POLR3B: variants seen among roughly 807,000 people sequenced by gnomAD.
POLR3B encodes the protein DNA-directed RNA polymerase III subunit RPC2.
In POLR3B, 96 loss-of-function variants were observed where a neutral mutation model predicts 147.4. That is an observed-to-expected ratio of 0.65 (90% CI 0.55 to 0.77). The LOEUF is 0.77. Among genes scored for constraint, POLR3B ranks in the 30% least tolerant of loss-of-function variants. The probability of loss-of-function intolerance (pLI) is 0.00; values close to 1 mark genes in which losing one functional copy is unlikely to be tolerated. For missense variants in POLR3B, 1,036 were observed against 1,413.5 expected (o/e 0.73, Z 4.28); for synonymous variants, 461 against 485.9 (o/e 0.95, Z 0.67).
intron 9 of POLR3B, among the ~76,000 whole-genome samples, chr12:106,383,529 G>A (rs765897120): frequency 2.6e-5 from 4 of 151,972 alleles, no homozygotes; most frequent in Non-Finnish European, 5.9e-5. Flanking sequence ...CACTATTGTT[G>A]TGTCTCAAGG....
At chr12:106,373,224 T>G (rs1371300714) in intron 6 of POLR3B, among the ~76,000 whole-genome samples, 2 of 152,234 alleles carry the variant, frequency 1.3e-5, no homozygotes, top group Non-Finnish European at 2.9e-5. Context: ...TTTTTCCATT[T>G]TCCTTATGGT....
chr12:106,437,109 G>A lies in POLR3B; in HGVS notation c.1834G>A (p.Glu612Lys), dbSNP rs754968519. The change falls in exon 17 of 28, where the codon GAA becomes AAA. Residue 612 changes from glutamate (E) to lysine (K), a missense_variant. Transcript: ENST00000228347. The stretch of plus-strand genomic sequence containing the variant: ...GCCAGCAGTCACAAATAAACATATG[G>A]AAGAGCTGGCCCAAGGGTACAGGTA... ...QKPAVTNKHM[E>K]ELAQGYRNFE... The A allele has an allele frequency of 1.9e-6, 3 of 1,613,286 alleles. No homozygotes were observed. Among genetic ancestry groups the A allele is most frequent in the East Asian group, 2.2e-5 (1 of 44,802 alleles).
intron 9 of POLR3B, among the ~76,000 whole-genome samples, chr12:106,391,425 C>G (rs2036912827): frequency 6.6e-6 from 1 of 151,346 alleles, no homozygotes; most frequent in Non-Finnish European, 1.5e-5. Flanking sequence ...TAGTCTCCAC[C>G]TTTTGAAGGG....
chr12:106,386,213 G>A (rs2136909153), intron 9 of POLR3B, among the ~76,000 whole-genome samples: 2 of 152,150 alleles, frequency 1.3e-5, no homozygotes, highest in South Asian at 4.1e-4. Flanking sequence ...GGGCATGGTG[G>A]CTCACGCCTG....
intron 23 of POLR3B, among the ~76,000 whole-genome samples, chr12:106,493,263 T>G (rs2038430022): frequency 6.6e-6 from 1 of 152,234 alleles, no homozygotes. Context: ...CCATAACTTT[T>G]AAGACTTCTA....
At chr12:106,494,837 C>G (rs979762733) in intron 23 of POLR3B, among the ~76,000 whole-genome samples, 1 of 152,172 alleles carries the variant, frequency 6.6e-6, no homozygotes, top group African/African-American at 2.4e-5. Context: ...TAGAATTCAA[C>G]TCCACAATAT....
chr12:106,370,766 G>C (rs1259044644), intron 6 of POLR3B, among the ~76,000 whole-genome samples: 2 of 151,892 alleles, frequency 1.3e-5, no homozygotes, highest in Non-Finnish European at 2.9e-5. Flanking sequence ...TGAGTAGCTG[G>C]GATTATAGGC....
chr12:106,437,869 T>C, intron 18 of POLR3B, 90 bp downstream of exon 18: 1 of 767,148 alleles, frequency 1.3e-6, no homozygotes, highest in Non-Finnish European at 2.3e-6. Flanking sequence ...TCCTTCTATC[T>C]TTTACTCTTT....
intron 27 of POLR3B, among the ~76,000 whole-genome samples, chr12:106,507,279 T>C (rs1241010213): frequency 6.6e-6 from 1 of 152,198 alleles, no homozygotes; most frequent in Admixed American, 6.5e-5. Flanking sequence ...CTTTGCAAAT[T>C]GTTCAGATAC....
intron 6 of POLR3B, 28 bp from the exon 7 acceptor site, chr12:106,376,331 A>G: frequency 6.8e-7 from 1 of 1,475,512 alleles, no homozygotes; most frequent in South Asian, 1.1e-5. Context: ...CCTACATGTG[A>G]TATTTTCTTT....
chr12:106,465,091 T>C (rs2037987533), intron 23 of POLR3B, among the ~76,000 whole-genome samples: 1 of 152,232 alleles, frequency 6.6e-6, no homozygotes, highest in South Asian at 2.1e-4. Context: ...TTTATATGGC[T>C]TGCCAGTAAA....
At chr12:106,465,897 A>C (rs574705899) in intron 23 of POLR3B, among the ~76,000 whole-genome samples, 2 of 152,266 alleles carry the variant, frequency 1.3e-5, no homozygotes, top group African/African-American at 4.8e-5. Context: ...AGTCTTTACT[A>C]TTGTGAATAG....
chr12:106,392,932 T>A, intron 9 of POLR3B, 99 bp from the exon 10 acceptor site: 1 of 1,485,156 alleles, frequency 6.7e-7, no homozygotes, highest in Non-Finnish European at 9.3e-7. Flanking sequence ...TAGCTTTTGC[T>A]TAGAAGTAAT....
chr12:106,508,478 CTGT>C (rs1256242410), intron 27 of POLR3B, among the ~76,000 whole-genome samples: 1 of 152,118 alleles, frequency 6.6e-6, no homozygotes, highest in Non-Finnish European at 1.5e-5. Flanking sequence ...AGTTTTCTAC[CTGT>C]TAAGAGTCAG....
intron 10 of POLR3B, among the ~76,000 whole-genome samples, chr12:106,401,844 C>A (rs373260079): frequency 6.6e-6 from 1 of 152,080 alleles, no homozygotes; most frequent in Non-Finnish European, 1.5e-5. Flanking sequence ...GACAAACCCA[C>A]AGCCAATATC....
intron 19 of POLR3B, among the ~76,000 whole-genome samples, chr12:106,447,324 A>G (rs947110982): frequency 6.6e-6 from 1 of 152,308 alleles, no homozygotes; most frequent in African/African-American, 2.4e-5. Context: ...GACCAAGGCC[A>G]GCACAAACCA....
chr12:106,391,032 A>G (rs898804491), intron 9 of POLR3B, among the ~76,000 whole-genome samples: 2 of 152,230 alleles, frequency 1.3e-5, no homozygotes, highest in Non-Finnish European at 2.9e-5. Flanking sequence ...CCAGGGCAAC[A>G]TAAGCAAGAC....
At chr12:106,417,567 G>A (rs1008144165) in intron 12 of POLR3B, among the ~76,000 whole-genome samples, 8 of 152,106 alleles carry the variant, frequency 5.3e-5, no homozygotes, top group African/African-American at 1.7e-4. Flanking sequence ...GAGATAGTGC[G>A]GCTGGGATGA....
chr12:106,440,968 T>G (rs1437378016), intron 18 of POLR3B, among the ~76,000 whole-genome samples: 1 of 152,172 alleles, frequency 6.6e-6, no homozygotes, highest in Non-Finnish European at 1.5e-5. Context: ...TAATTCATAC[T>G]TATGTTTTTT....
Sources: allele counts gnomAD v4.1 joint callset (sites outside exome capture counted in the v4.1 genomes callset), GRCh38; gene constraint gnomAD v4.1.1; transcripts MANE v1.5; gene names NCBI Gene and HGNC (gene_info 2026-07-23, HGNC 2026-07-21).